The following DNAJC17 variants were observed in gnomAD, a reference collection of about 807,000 sequenced individuals.
The protein encoded by DNAJC17 is dnaJ homolog subfamily C member 17.
Under a neutral mutation model 48.1 loss-of-function variants are expected in DNAJC17, and 35 were observed. That is an observed-to-expected ratio of 0.73 (90% CI 0.56 to 0.96). The LOEUF (loss-of-function observed/expected upper bound fraction) is 0.96. Among genes scored for constraint, DNAJC17 ranks in the 50% least tolerant of loss-of-function variants. The pLI is 0.00. For missense variants in DNAJC17, 355 were observed against 377.1 expected (o/e 0.94, Z 0.48); for synonymous variants, 117 against 142.7 (o/e 0.82, Z 1.28).
At chr15:40,804,486 C>G (rs753010601) in intron 1 of DNAJC17, among the ~76,000 whole-genome samples, 2 of 151,874 alleles carry the variant, frequency 1.3e-5, no homozygotes, top group African/African-American at 2.4e-5. Flanking sequence ...GCAGTCCCAA[C>G]TACATGAGAG....
Position 40,770,107 on chromosome 15 carries a change from T to A in DNAJC17, c.793-2045A>T, listed in dbSNP as rs1889085589. On this transcript the variant is annotated intron_variant, in intron 10 of 10. Coordinates refer to ENST00000220496, the MANE Select transcript of DNAJC17 (RefSeq NM_018163.3). The surrounding 1 kb of genome is among the most constrained non-coding windows in gnomAD (Gnocchi z 5.0). ...GCTCGGGCCATCTGCTGCCTGCCTG[T>A]GGAAGGAGCGCTCGCCAGCCTCACC... The A allele has an allele frequency of 4.9e-6, 1 of 205,898 alleles. No individual in the cohort carries two copies. Among genetic ancestry groups the A allele is most frequent in the Admixed American group, 5.3e-5 (1 of 18,984 alleles). 12.8% of individuals were successfully genotyped at this position (205,898 alleles called of 1,614,324 possible).
rs577988008 is a variant in DNAJC17 at position 40,779,610 on chromosome 15, A to G, written c.149-7T>C. 73 of 1,614,038 alleles carry G rather than the reference A, an allele frequency of 4.5e-5. No individual in the cohort carries two copies. The highest frequency in any genetic ancestry group is 5.8e-5 in the Non-Finnish European group (68 of 1,180,018). On this transcript the variant is annotated splice_polypyrimidine_tract_variant and splice_region_variant and intron_variant, in intron 2 of 10. Transcript: ENST00000220496. Reference sequence around the variant, plus strand: ...AGCTGGTGGAAGAGTTCAGCTAAACATAAGGATCAAAAAGACAGAAGAAAA... The same window carrying G: ...AGCTGGTGGAAGAGTTCAGCTAAACGTAAGGATCAAAAAGACAGAAGAAAA...
At chr15:40,799,738 G>A (rs1038807527) in intron 1 of DNAJC17, among the ~76,000 whole-genome samples, 6 of 152,096 alleles carry the variant, frequency 3.9e-5, no homozygotes, top group African/African-American at 1.4e-4. Flanking sequence ...GTAATTCCAT[G>A]TTTAATTTTT....
intron 1 of DNAJC17, among the ~76,000 whole-genome samples, chr15:40,785,130 C>T (rs1350008144): frequency 6.6e-6 from 1 of 152,040 alleles, no homozygotes; most frequent in African/African-American, 2.4e-5. Flanking sequence ...ACAACAACAA[C>T]ATCTCTGAAA....
intron 10 of DNAJC17, among the ~76,000 whole-genome samples, chr15:40,768,736 A>G (rs1889030658): frequency 6.6e-6 from 1 of 152,238 alleles, no homozygotes; most frequent in African/African-American, 2.4e-5. Flanking sequence ...GCAGCTCTAC[A>G]GCGGGACCTA....
At chr15:40,797,113 T>C (rs1323178584) in intron 1 of DNAJC17, among the ~76,000 whole-genome samples, 1 of 152,100 alleles carries the variant, frequency 6.6e-6, no homozygotes, top group African/African-American at 2.4e-5. Flanking sequence ...CTCATGCCTG[T>C]AATCCTAGCA....
intron 1 of DNAJC17, chr15:40,792,616 AC>A: frequency 1.4e-6 from 1 of 728,072 alleles, no homozygotes; most frequent in Non-Finnish European, 1.7e-6. Context: ...GGAGTTCGAG[AC>A]CAGCCTGGGC....
chr15:40,784,868 C>T (rs1393891371), intron 1 of DNAJC17, among the ~76,000 whole-genome samples: 3 of 152,102 alleles, frequency 2.0e-5, no homozygotes, highest in South Asian at 2.1e-4. Context: ...GAGGCTGAGG[C>T]GGGCAGATCA....
rs1472408442 is a variant in DNAJC17, at chr15:40,780,129, C to T, written c.79-132G>A. 5 of 868,244 alleles carry T rather than the reference C, an allele frequency of 5.8e-6. No homozygotes were observed. The East Asian group carries it at 1.3e-4, about 23-fold the overall frequency. 53.8% of individuals were successfully genotyped at this position (868,244 alleles called of 1,614,324 possible). ...GCTGCTGGCGCCCACTTCCTAGCCA[C>T]CAGGGAGACTGGCAATGGAGGAGGC... On this transcript the variant is annotated intron_variant, in intron 1 of 10. Transcript: ENST00000220496.
intron 2 of DNAJC17, 118 bp downstream of exon 2, chr15:40,779,810 C>T (rs1222528380): frequency 4.7e-6 from 6 of 1,279,462 alleles, no homozygotes; most frequent in Non-Finnish European, 6.6e-6. Flanking sequence ...GACCCATTGC[C>T]TGGAGCCAGG....
At chr15:40,781,700 T>A (rs982065966) in intron 1 of DNAJC17, among the ~76,000 whole-genome samples, 1 of 151,762 alleles carries the variant, frequency 6.6e-6, no homozygotes, top group Non-Finnish European at 1.5e-5. Context: ...GACAGGTGGA[T>A]CACGAGGTCA....
Position 40,774,446 on chromosome 15 carries a change from C to CA in DNAJC17, c.601-11dup, listed in dbSNP as rs1889257967. 1 of 1,613,738 alleles carries CA rather than the reference C, an allele frequency of 6.2e-7. No homozygotes were observed. The highest frequency in any genetic ancestry group is 1.3e-5 in the African/African-American group (1 of 74,934). On this transcript the variant is annotated splice_polypyrimidine_tract_variant and intron_variant, in intron 8 of 10. Coordinates refer to ENST00000220496, the MANE Select transcript of DNAJC17 (RefSeq NM_018163.3). ...TGAGAACCTCACCATACTGTGGGGA[C>CA]AAAGGGGTCCTAATAAGCATGACTT...
chr15:40,767,329 T>C lies in DNAJC17; in HGVS notation c.*611A>G. ...GACGGGGGTGGGCCAGACGCTGGTG[T>C]GGTGTCTGCACAAGGAGTGACCTTC... is the stretch of plus-strand genomic sequence containing the variant. On this transcript the variant is annotated 3_prime_UTR_variant, in exon 11 of 11. Transcript: ENST00000220496. The C allele has an allele frequency of 6.2e-7, 1 of 1,601,838 alleles. No homozygotes were observed. Among genetic ancestry groups the C allele is most frequent in the Non-Finnish European group, 8.5e-7 (1 of 1,174,932 alleles).
At chr15:40,771,024 A>G in intron 10 of DNAJC17, 5 of 1,550,326 alleles carry the variant, frequency 3.2e-6, no homozygotes, top group Non-Finnish European at 4.4e-6. Context: ...CAGCTTCTAA[A>G]TGGGGTGAGG....
At chr15:40,799,224 C>CAAAA (rs34609538) in intron 1 of DNAJC17, among the ~76,000 whole-genome samples, 2 of 44,364 alleles carry the variant, frequency 4.5e-5, no homozygotes, top group African/African-American at 8.1e-5. Flanking sequence ...GACTCCATCT[C>CAAAA]AAAAAAAAAA....
At chr15:40,774,906 T>C in intron 8 of DNAJC17, 125 bp downstream of exon 8, 3 of 987,362 alleles carry the variant, frequency 3.0e-6, no homozygotes, top group South Asian at 2.9e-5. Flanking sequence ...CCATGGTCTA[T>C]GAGACAGAAA....
chr15:40,776,067 C>T (rs1889309240), intron 6 of DNAJC17, 129 bp downstream of exon 6: 4 of 796,660 alleles, frequency 5.0e-6, no homozygotes, highest in Non-Finnish European at 8.3e-6. Flanking sequence ...GAGTAAGGTA[C>T]CATAGGGTGA....
At chr15:40,792,385 C>G (rs1290671044) in intron 1 of DNAJC17, 1 of 879,328 alleles carries the variant, frequency 1.1e-6, no homozygotes. Flanking sequence ...GATAAATAGA[C>G]TTAAGCTTTG....
At chr15:40,800,552 G>A (rs1428105614) in intron 1 of DNAJC17, among the ~76,000 whole-genome samples, 1 of 150,738 alleles carries the variant, frequency 6.6e-6, no homozygotes, top group East Asian at 1.9e-4. Context: ...GCATGGTGGC[G>A]TGATCAGAGC....
Sources: gnomAD v4.1 joint callset for allele counts (sites outside exome capture counted in the v4.1 genomes callset) on GRCh38, gnomAD v4.1.1 for gene constraint, Gnocchi (gnomAD v3.1) non-coding constraint, MANE v1.5 for transcripts, NCBI Gene and HGNC (gene_info 2026-07-23, HGNC 2026-07-21) for gene names.